FRMD4B: variants seen among roughly 807,000 people sequenced by gnomAD.
FRMD4B encodes FERM domain containing 4B.
FRMD4B carries 74 observed loss-of-function variants against 141.5 expected under a neutral mutation model. The observed-to-expected ratio is 0.52, with a 90% CI of 0.43 to 0.63. The LOEUF (loss-of-function observed/expected upper bound fraction) is 0.63, where lower values mean the gene tolerates loss of function less well. FRMD4B is among the 30% of genes least tolerant of loss of function. FRMD4B has a pLI of 0.00. For synonymous variants in FRMD4B, 506 were observed against 467.9 expected, an observed-to-expected ratio of 1.08 and a Z score of -1.05; for missense variants, 1,366 against 1,253.4, an observed-to-expected ratio of 1.09 and a Z score of -1.36.
chr3:69,213,644 C>T lies in FRMD4B; in HGVS notation c.876+2619G>A, dbSNP rs113542032. ...GTCCTCTACTGCTTGTTGAATGATG[C>T]GCTGTTGTTTTCATTGATTTTTTTT... On this transcript the variant is annotated intron_variant, in intron 11 of 22. Transcript: ENST00000398540. 2.8e-3 allele frequency among the ~76,000 whole-genome samples: 393 copies of T among 142,290 alleles called. 2 individuals carry two copies. The highest frequency in any genetic ancestry group is 9.4e-3 in the African/African-American group (369 of 39,096). The allele number at this position is 142,290 out of a possible 152,430, so 93.3% of individuals were successfully genotyped here. A position where few individuals can be genotyped will look rare whatever the true frequency, so the allele number is the denominator to read the frequency against.
chr3:69,374,772 A>G (rs979604202), intron 1 of FRMD4B, among the ~76,000 whole-genome samples: 6 of 152,174 alleles, frequency 3.9e-5, no homozygotes, highest in Non-Finnish European at 8.8e-5. Context: ...CCATAAAACC[A>G]TGTGCCCACA....
At chr3:69,267,414 C>A (rs12494598) in intron 5 of FRMD4B, among the ~76,000 whole-genome samples, 1 of 151,828 alleles carries the variant, frequency 6.6e-6, no homozygotes, top group Admixed American at 6.6e-5. Flanking sequence ...GCTATCAGAG[C>A]AATTTGAATA....
intron 7 of FRMD4B, among the ~76,000 whole-genome samples, chr3:69,236,177 T>A (rs2093344429): frequency 1.3e-5 from 2 of 151,704 alleles, no homozygotes; most frequent in South Asian, 4.1e-4. Flanking sequence ...AGTTGTCCCT[T>A]AGTAGTGAGG....
intron 1 of FRMD4B, among the ~76,000 whole-genome samples, chr3:69,505,719 C>G (rs906507048): frequency 6.6e-6 from 1 of 152,178 alleles, no homozygotes; most frequent in Non-Finnish European, 1.5e-5. Context: ...TGACTTTCTC[C>G]TTCTTAAGAA....
intron 1 of FRMD4B, among the ~76,000 whole-genome samples, chr3:69,538,666 T>C (rs1559556847): frequency 1.3e-5 from 2 of 152,150 alleles, no homozygotes; most frequent in African/African-American, 4.8e-5. Flanking sequence ...AAGCATGAGA[T>C]AAAAAATGAC....
intron 2 of FRMD4B, among the ~76,000 whole-genome samples, chr3:69,420,712 C>G (rs36015522): frequency 0.64 from 96,743 of 152,052 alleles, 31,011 homozygotes; most frequent in East Asian, 0.85. Context: ...TACTGTGAAA[C>G]ACTATTTCAA....
At chr3:69,540,656 T>TACACACACACAC (rs1157143009) in intron 1 of FRMD4B, among the ~76,000 whole-genome samples, 1 of 75,544 alleles carries the variant, frequency 1.3e-5, no homozygotes, top group African/African-American at 7.2e-5. Flanking sequence ...TATATATATA[T>TACACACACACAC]ATATACACAC....
intron 5 of FRMD4B, among the ~76,000 whole-genome samples, chr3:69,257,970 G>A (rs2093503125): frequency 1.3e-5 from 2 of 152,186 alleles, no homozygotes. Flanking sequence ...GGGACTACAG[G>A]TGCGTGCCAC....
chr3:69,189,797 T>A, intron 18 of FRMD4B, 99 bp downstream of exon 18: 3 of 748,838 alleles, frequency 4.0e-6, no homozygotes, highest in Non-Finnish European at 6.8e-6. Flanking sequence ...CTACTTTTTC[T>A]CAAAAGAAAA....
At chr3:69,243,394 T>C (rs1051535391) in intron 7 of FRMD4B, among the ~76,000 whole-genome samples, 2 of 151,968 alleles carry the variant, frequency 1.3e-5, no homozygotes, top group Admixed American at 6.6e-5. Context: ...GGAGAAAAAA[T>C]GAAGAGAGGC....
intron 1 of FRMD4B, among the ~76,000 whole-genome samples, chr3:69,342,273 G>C (rs753328101): frequency 6.6e-6 from 1 of 152,164 alleles, no homozygotes; most frequent in African/African-American, 2.4e-5. Context: ...GACATACTGT[G>C]ATTACTTATT....
intron 6 of FRMD4B, 147 bp downstream of exon 6, chr3:69,249,896 G>A (rs1450842639): frequency 1.1e-5 from 7 of 653,970 alleles, no homozygotes; most frequent in African/African-American, 1.8e-5. Context: ...AGCAGAAGAC[G>A]GTGGCGCACA....
intron 17 of FRMD4B, among the ~76,000 whole-genome samples, chr3:69,191,352 G>A (rs957965861): frequency 9.9e-5 from 15 of 152,176 alleles, no homozygotes; most frequent in Admixed American, 2.6e-4. Flanking sequence ...CCTGGGAGGC[G>A]GAGGTTGCAG....
chr3:69,292,609 C>T (rs1700907402), intron 4 of FRMD4B, among the ~76,000 whole-genome samples: 1 of 152,176 alleles, frequency 6.6e-6, no homozygotes, highest in South Asian at 2.1e-4. Context: ...TACCAGCTTT[C>T]TGAATCCACA....
At chr3:69,314,118 G>A (rs1319870041) in intron 1 of FRMD4B, among the ~76,000 whole-genome samples, 2 of 97,504 alleles carry the variant, frequency 2.1e-5, no homozygotes, top group Non-Finnish European at 3.6e-5. Context: ...CAGCCTGGGC[G>A]ACAGAGCGAG....
chr3:69,250,744 T>A (rs937767828), intron 5 of FRMD4B, among the ~76,000 whole-genome samples: 12 of 150,254 alleles, frequency 8.0e-5, no homozygotes, highest in East Asian at 1.9e-4. Flanking sequence ...TTTTTTTTTT[T>A]ATCATTCAAA....
At chr3:69,494,181 T>C (rs371460963) in intron 1 of FRMD4B, among the ~76,000 whole-genome samples, 37 of 152,258 alleles carry the variant, frequency 2.4e-4, no homozygotes, top group African/African-American at 7.9e-4. Flanking sequence ...CACCCAACCA[T>C]GATAGTATTT....
chr3:69,353,208 T>C (rs377137826), intron 1 of FRMD4B, among the ~76,000 whole-genome samples: 2 of 152,170 alleles, frequency 1.3e-5, no homozygotes, highest in African/African-American at 4.8e-5. Flanking sequence ...AAATCAGCCT[T>C]TCACGACCTT....
At chr3:69,372,389 G>T (rs1022870909) in intron 1 of FRMD4B, among the ~76,000 whole-genome samples, 2 of 152,232 alleles carry the variant, frequency 1.3e-5, no homozygotes, top group African/African-American at 4.8e-5. Context: ...ATGAGGCTGG[G>T]TGTGATGGCT....
Sources: gnomAD v4.1 joint callset for allele counts (sites outside exome capture counted in the v4.1 genomes callset) on GRCh38, gnomAD v4.1.1 for gene constraint, MANE v1.5 for transcripts, NCBI Gene and HGNC (gene_info 2026-07-23, HGNC 2026-07-21) for gene names.